The following FMN1 variants were observed in gnomAD, a reference collection of about 807,000 sequenced individuals.
The protein encoded by FMN1 is formin-1.
A neutral mutation model predicts 132.4 loss-of-function variants in FMN1; 110 were observed. That is an observed-to-expected ratio of 0.83 (90% CI 0.71 to 0.97). FMN1 has a LOEUF of 0.97. Among genes scored for constraint, FMN1 ranks in the 50% least tolerant of loss-of-function variants. FMN1 has a pLI of 0.00. For synonymous variants in FMN1, 722 were observed against 651.7 expected, an observed-to-expected ratio of 1.11 and a Z score of -1.64; for missense variants, 1,792 against 1,705.3, an observed-to-expected ratio of 1.05 and a Z score of -0.90.
chr15:32,809,329 A>G (rs1292729552), intron 17 of FMN1, among the ~76,000 whole-genome samples: 1 of 152,132 alleles, frequency 6.6e-6, no homozygotes, highest in Non-Finnish European at 1.5e-5. Context: ...CCCTCATTGC[A>G]CAGTAAATTC....
At chr15:32,941,455 A>C (rs543247044) in intron 9 of FMN1, among the ~76,000 whole-genome samples, 55 of 152,356 alleles carry the variant, frequency 3.6e-4, no homozygotes, top group Non-Finnish European at 6.3e-4. Flanking sequence ...ACACTTCATT[A>C]TAAAGGTTAC....
intron 4 of FMN1, among the ~76,000 whole-genome samples, chr15:33,104,867 T>C (rs559983530): frequency 5.3e-5 from 8 of 152,282 alleles, no homozygotes; most frequent in African/African-American, 1.9e-4. Context: ...TTAAAAACAA[T>C]GCTAATTTCA....
chr15:33,119,810 T>A (rs1040743026), intron 4 of FMN1, among the ~76,000 whole-genome samples: 8 of 152,190 alleles, frequency 5.3e-5, no homozygotes, highest in Admixed American at 1.3e-4. Flanking sequence ...TGAAAGCCAG[T>A]CTTCTTCTTT....
At chr15:32,825,140 G>A (rs2058331909) in intron 17 of FMN1, among the ~76,000 whole-genome samples, 1 of 152,188 alleles carries the variant, frequency 6.6e-6, no homozygotes, top group Non-Finnish European at 1.5e-5. Flanking sequence ...CCTGGTCCAA[G>A]ATGCTCATTT....
intron 16 of FMN1, among the ~76,000 whole-genome samples, chr15:32,857,556 C>G (rs939025001): frequency 6.6e-6 from 1 of 152,162 alleles, no homozygotes; most frequent in Non-Finnish European, 1.5e-5. Context: ...TTGTCTAGAA[C>G]TACCAACCTA....
intron 4 of FMN1, among the ~76,000 whole-genome samples, chr15:33,115,194 T>C (rs1566928599): frequency 1.3e-5 from 2 of 152,146 alleles, no homozygotes; most frequent in Non-Finnish European, 2.9e-5. Flanking sequence ...AGAATTTAAG[T>C]GTTAAAAGGA....
intron 4 of FMN1, among the ~76,000 whole-genome samples, chr15:33,097,845 C>A (rs1252917850): frequency 6.6e-6 from 1 of 152,146 alleles, no homozygotes; most frequent in Non-Finnish European, 1.5e-5. Flanking sequence ...TTAGTAATTA[C>A]AACAGCTTGA....
At chr15:33,151,242 A>G in intron 4 of FMN1, 1 of 1,535,866 alleles carries the variant, frequency 6.5e-7, no homozygotes, top group Non-Finnish European at 8.7e-7. Context: ...GAAGTTACCC[A>G]TATCAAAAAA....
intron 5 of FMN1, among the ~76,000 whole-genome samples, chr15:33,084,400 G>A (rs2038609215): frequency 6.6e-6 from 1 of 152,196 alleles, no homozygotes; most frequent in African/African-American, 2.4e-5. Flanking sequence ...TTGGACAGAA[G>A]TTATGGGTAA....
At chr15:33,015,500 C>T (rs995511916) in intron 6 of FMN1, among the ~76,000 whole-genome samples, 2 of 152,114 alleles carry the variant, frequency 1.3e-5, no homozygotes, top group Admixed American at 6.5e-5. Flanking sequence ...ACACATATAT[C>T]CAAGCCTCCA....
At chr15:32,945,741 C>G (rs1475647338) in intron 9 of FMN1, among the ~76,000 whole-genome samples, 1 of 152,186 alleles carries the variant, frequency 6.6e-6, no homozygotes, top group Non-Finnish European at 1.5e-5. Flanking sequence ...AATTACCTGG[C>G]TCTTTCCCAC....
intron 17 of FMN1, among the ~76,000 whole-genome samples, chr15:32,810,502 T>C (rs764889344): frequency 4.6e-5 from 7 of 152,226 alleles, no homozygotes; most frequent in South Asian, 2.1e-4. Context: ...CTGTATCAGA[T>C]TGAGTCTTTA....
At chr15:33,088,437 G>A (rs2038784372) in intron 5 of FMN1, among the ~76,000 whole-genome samples, 1 of 152,214 alleles carries the variant, frequency 6.6e-6, no homozygotes, top group Non-Finnish European at 1.5e-5. Flanking sequence ...GAGCATATCA[G>A]TTGGCTTTAC....
intron 16 of FMN1, among the ~76,000 whole-genome samples, chr15:32,867,775 G>A (rs1329113913): frequency 6.6e-6 from 1 of 152,250 alleles, no homozygotes; most frequent in Non-Finnish European, 1.5e-5. Flanking sequence ...ACAGGCGTGA[G>A]CCACCGCGCC....
intron 6 of FMN1, among the ~76,000 whole-genome samples, chr15:33,052,126 A>G (rs1292636705): frequency 6.6e-6 from 1 of 152,190 alleles, no homozygotes; most frequent in Non-Finnish European, 1.5e-5. Context: ...TTTCTCTGTA[A>G]TAAGGAGAGA....
chr15:32,805,108 C>CTAATT (rs1299154342), intron 17 of FMN1, among the ~76,000 whole-genome samples: 1 of 152,176 alleles, frequency 6.6e-6, no homozygotes, highest in Non-Finnish European at 1.5e-5. Context: ...AATGGTTGAA[C>CTAATT]TAATTTACAC....
intron 4 of FMN1, among the ~76,000 whole-genome samples, chr15:33,113,176 C>T (rs1595499049): frequency 6.6e-6 from 1 of 152,158 alleles, no homozygotes; most frequent in African/African-American, 2.4e-5. Context: ...AAAGCTTGAC[C>T]TGTGTACTGT....
chr15:32,933,365 A>C (rs1424964029), intron 9 of FMN1, among the ~76,000 whole-genome samples: 1 of 152,150 alleles, frequency 6.6e-6, no homozygotes, highest in Non-Finnish European at 1.5e-5. Flanking sequence ...AATTTTTAAA[A>C]ATTTGTTAAG....
At chr15:32,985,776 C>G (rs1021148078) in intron 7 of FMN1, among the ~76,000 whole-genome samples, 3 of 152,066 alleles carry the variant, frequency 2.0e-5, no homozygotes, top group African/African-American at 7.2e-5. Context: ...TCCCAACTGA[C>G]TTATCTTACA....
Sources: allele counts gnomAD v4.1 joint callset (sites outside exome capture counted in the v4.1 genomes callset), GRCh38; gene constraint gnomAD v4.1.1; transcripts MANE v1.5; gene names NCBI Gene and HGNC (gene_info 2026-07-23, HGNC 2026-07-21).